The following IGDCC4 variants were observed in gnomAD, a reference collection of about 807,000 sequenced individuals.
IGDCC4 encodes the protein immunoglobulin superfamily DCC subclass member 4.
IGDCC4 carries 72 observed loss-of-function variants against 116.6 expected under a neutral mutation model. The observed-to-expected ratio is 0.62, with a 90% CI of 0.51 to 0.75. IGDCC4 has a LOEUF of 0.75. IGDCC4 is among the 30% of genes least tolerant of loss of function. IGDCC4 has a pLI of 0.00. For synonymous variants in IGDCC4, 709 were observed against 719.9 expected, an observed-to-expected ratio of 0.98 and a Z score of 0.24; for missense variants, 1,501 against 1,662.4, an observed-to-expected ratio of 0.90 and a Z score of 1.69.
Position 65,393,097 on chromosome 15 carries a change from A to G in IGDCC4, c.1885+264T>C, listed in dbSNP as rs2062882761. Among the ~76,000 whole-genome samples, 1 of 152,174 alleles carries G rather than the reference A, an allele frequency of 6.6e-6. No individual in the cohort carries two copies. The highest frequency in any genetic ancestry group is 2.1e-4 in the South Asian group (1 of 4,832). On this transcript the variant is annotated intron_variant, in intron 10 of 19. Transcript: ENST00000352385. This position sits in a 1 kb window ranked among gnomAD's most constrained non-coding sequence, Gnocchi z 4.6. ...TTTATGTACTAAGCACTTTAGTTACAATACATTATTCAACCTCATGCCATT... is the reference window on the plus strand; with the variant it reads ...TTTATGTACTAAGCACTTTAGTTACGATACATTATTCAACCTCATGCCATT...
At chr15:65,410,681 C>G (rs528726032) in intron 2 of IGDCC4, 19 of 462,048 alleles carry the variant, frequency 4.1e-5, no homozygotes, top group African/African-American at 3.5e-4. Flanking sequence ...ACCTGCCGTG[C>G]AGGCAGGAGC....
At chr15:65,401,025 C>T in intron 4 of IGDCC4, 79 bp from the exon 5 acceptor site, 1 of 1,570,688 alleles carries the variant, frequency 6.4e-7, no homozygotes, top group Admixed American at 1.7e-5. Flanking sequence ...CTCACAGTAA[C>T]CTGGTGAGGT....
rs141421172 is a variant in IGDCC4 at position 65,395,894 on chromosome 15, C to G, written c.1267G>C (p.Val423Leu). Reference sequence around the variant, plus strand: ...GCGCTGGGCAGCCCCTCGCGCACCACCACGGCCAGCGACGCGGCAGCGCAC... The same window carrying G: ...GCGCTGGGCAGCCCCTCGCGCACCAGCACGGCCAGCGACGCGGCAGCGCAC... Reference protein sequence around the residue: ...MACAAASLAVVVREGLPSAPT... With the variant: ...MACAAASLAVLVREGLPSAPT... The change falls in exon 7 of 20, where the codon GTG becomes CTG. Residue 423 changes from valine to leucine, a missense_variant. Val to Leu is a conservative substitution (Grantham distance 32, BLOSUM62 1). Coordinates refer to ENST00000352385, the MANE Select transcript of IGDCC4 (RefSeq NM_020962.3). 467 of 1,589,966 alleles carry G rather than the reference C, an allele frequency of 2.9e-4. No individual in the cohort carries two copies. The African/African-American group carries it at 5.1e-3, about 17-fold the overall frequency.
intron 8 of IGDCC4, among the ~76,000 whole-genome samples, chr15:65,394,807 T>A (rs1464365007): frequency 6.6e-6 from 1 of 152,144 alleles, no homozygotes; most frequent in East Asian, 1.9e-4. Context: ...CTACCCCAGC[T>A]GGATGGCACA....
chr15:65,387,487 T>C (rs1422975496), intron 16 of IGDCC4, among the ~76,000 whole-genome samples: 1 of 152,156 alleles, frequency 6.6e-6, no homozygotes, highest in Non-Finnish European at 1.5e-5. Context: ...TAGTTGGGAC[T>C]ACAGGCATCC....
chr15:65,382,400 A>T lies in IGDCC4; in HGVS notation c.*1609T>A, dbSNP rs79447611. ...CCGCAACTGTGCTGAGAGACATTCC[A>T]CCATTTAAAAAAAAAAAAAAAAAAA... On this transcript the variant is annotated 3_prime_UTR_variant, in exon 20 of 20. Coordinates refer to ENST00000352385, the MANE Select transcript of IGDCC4 (RefSeq NM_020962.3). 1.4e-5 allele frequency: 2 copies of T among 139,808 alleles called. No individual in the cohort carries two copies. Among genetic ancestry groups the T allele is most frequent in the Non-Finnish European group, 3.1e-5 (2 of 64,512 alleles). 8.7% of individuals were successfully genotyped at this position (139,808 alleles called of 1,614,324 possible).
Position 65,390,220 on chromosome 15 carries a change from G to T in IGDCC4, c.2343C>A (p.Val781=). ...KKPDFTTVKI[V]NYTVRFSPWG... is the part of the protein sequence containing the mutation. ...AGGGGCTGAAGCGCACAGTGTAGTTGACAATCTTGACTGTGGTGAAATCTG... is the reference window on the plus strand; with the variant it reads ...AGGGGCTGAAGCGCACAGTGTAGTTTACAATCTTGACTGTGGTGAAATCTG... Residue 781 remains valine (V), a synonymous_variant, in exon 13 of 20, where the codon GTC becomes GTA. Transcript: ENST00000352385. 2 of 1,613,316 alleles carry T rather than the reference G, an allele frequency of 1.2e-6. No homozygotes were observed. Among genetic ancestry groups the T allele is most frequent in the South Asian group, 2.2e-5 (2 of 90,964 alleles).
chr15:65,410,834 T>G lies in IGDCC4; in HGVS notation c.421+186A>C. Reference sequence around the variant, plus strand: ...GGGAGTGGAGAAGAAGCGGGAAGATTATGGAATACCCAAGAATGAGGATAG... The same window carrying G: ...GGGAGTGGAGAAGAAGCGGGAAGATGATGGAATACCCAAGAATGAGGATAG... On this transcript the variant is annotated intron_variant, in intron 2 of 19. Coordinates refer to ENST00000352385, the MANE Select transcript of IGDCC4 (RefSeq NM_020962.3). 3 of 592,628 alleles carry G rather than the reference T, an allele frequency of 5.1e-6. No homozygotes were observed. The East Asian group carries it at 8.5e-5, about 17-fold the overall frequency. 36.7% of individuals were successfully genotyped at this position (592,628 alleles called of 1,614,324 possible). A position where few individuals can be genotyped will look rare whatever the true frequency, so the allele number is the denominator to read the frequency against.
intron 3 of IGDCC4, among the ~76,000 whole-genome samples, chr15:65,407,296 A>G (rs2140227399): frequency 6.6e-6 from 1 of 152,198 alleles, no homozygotes; most frequent in African/African-American, 2.4e-5. Context: ...TTTGAAAAAA[A>G]AAAAAGATGA....
Position 65,384,066 on chromosome 15 carries a change from G to C in IGDCC4, c.3696C>G (p.Pro1232=). 1 of 1,613,204 alleles carries C rather than the reference G, an allele frequency of 6.2e-7. No individual in the cohort carries two copies. Among genetic ancestry groups the C allele is most frequent in the South Asian group, 1.1e-5 (1 of 90,962 alleles). The part of the protein sequence containing the change: ...TPGDSCQLKS[P]CPLGASPGLP... ...GGCCTGGGCTGGCTCCTAGAGGGCAGGGGGATTTGAGCTGGCAGCTATCTC... is the reference window on the plus strand; with the variant it reads ...GGCCTGGGCTGGCTCCTAGAGGGCACGGGGATTTGAGCTGGCAGCTATCTC... The change falls in exon 20 of 20, where the codon CCC becomes CCG. Residue 1232 remains proline, a synonymous_variant. Coordinates refer to ENST00000352385, the MANE Select transcript of IGDCC4 (RefSeq NM_020962.3). The surrounding 1 kb of genome is among the most constrained non-coding windows in gnomAD (Gnocchi z 4.9).
intron 3 of IGDCC4, among the ~76,000 whole-genome samples, chr15:65,403,195 T>C (rs891792749): frequency 2.0e-5 from 3 of 152,226 alleles, no homozygotes; most frequent in African/African-American, 7.2e-5. Flanking sequence ...TTTGTTTGGG[T>C]ACATTCGCAC....
At chr15:65,394,660 C>T (rs1421457866) in intron 8 of IGDCC4, 112 bp from the exon 9 acceptor site, 2 of 1,095,980 alleles carry the variant, frequency 1.8e-6, no homozygotes, top group South Asian at 1.6e-5. Flanking sequence ...TAGGCCAGGA[C>T]CAGGATCTGA....
rs2062976748 is a variant in IGDCC4 at position 65,400,780 on chromosome 15, C to T, written c.841+26G>A. ...TGCCACATCCCTCCCTTCCCATGCC[C>T]TCCTTCTCCCACCCCCTCCACTCAC... On this transcript the variant is annotated intron_variant, in intron 5 of 19. Coordinates refer to ENST00000352385, the MANE Select transcript of IGDCC4 (RefSeq NM_020962.3). The T allele has an allele frequency of 8.9e-6, 14 of 1,570,394 alleles. 1 individual carries two copies. In the East Asian group the frequency reaches 3.2e-4, roughly 36 times the overall value.
Position 65,384,971 on chromosome 15 carries a change from C to G in IGDCC4, c.3325G>C (p.Val1109Leu). The change falls in exon 19 of 20, where the codon GTG (valine) becomes CTG (leucine). Residue 1109 changes from valine (V) to leucine (L), a missense_variant. Physicochemically the swap from Val to Leu is conservative, Grantham distance 32. This residue lies in a region of IGDCC4 where 368 missense variants were observed against 355.6 expected (regional missense o/e 1.03). Transcript: ENST00000352385. The surrounding 1 kb of genome is among the most constrained non-coding windows in gnomAD (Gnocchi z 4.9). ...ACGCTGACCTTTATGGCGTCGTACA[C>G]CAGAGCCTGCAGCAACAGCGTCTGC... ...TGQTLLLQAL[V>L]YDAIKGNGRK... The G allele has an allele frequency of 1.2e-6, 2 of 1,611,172 alleles. No individual in the cohort carries two copies. Among genetic ancestry groups the G allele is most frequent in the Non-Finnish European group, 8.5e-7 (1 of 1,178,936 alleles).
Position 65,383,998 on chromosome 15 carries a change from T to G in IGDCC4, c.*11A>C. Reference sequence around the variant, plus strand: ...TACCTGCCTGCCCCAAACCACATCCTCTGGGAAGAGCTAGGCAGAGGAGGA... The same window carrying G: ...TACCTGCCTGCCCCAAACCACATCCGCTGGGAAGAGCTAGGCAGAGGAGGA... On this transcript the variant is annotated 3_prime_UTR_variant, in exon 20 of 20. Transcript: ENST00000352385. The G allele has an allele frequency of 6.4e-7, 1 of 1,565,620 alleles. No homozygotes were observed. Among genetic ancestry groups the G allele is most frequent in the Non-Finnish European group, 8.7e-7 (1 of 1,151,030 alleles).
At chr15:65,385,241 T>C (rs1401747550) in intron 18 of IGDCC4, 126 bp from the exon 19 acceptor site, 2 of 1,009,882 alleles carry the variant, frequency 2.0e-6, no homozygotes, top group Non-Finnish European at 2.8e-6. Context: ...CGCTGCTCTC[T>C]CCCTCTCCAA....
At chr15:65,410,387 C>G (rs889415471) in intron 2 of IGDCC4, 68 bp from the exon 3 acceptor site, 1 of 1,573,768 alleles carries the variant, frequency 6.4e-7, no homozygotes, top group Admixed American at 1.7e-5. Flanking sequence ...CAAGCACAAA[C>G]AGTGAAACAC....
Position 65,402,425 on chromosome 15 carries a change from G to A in IGDCC4, c.626C>T (p.Pro209Leu), listed in dbSNP as rs745809349. 12 of 1,567,548 alleles carry A rather than the reference G, an allele frequency of 7.7e-6. No individual in the cohort carries two copies. Among genetic ancestry groups the A allele is most frequent in the Non-Finnish European group, 8.7e-6 (10 of 1,155,492 alleles). Residue 209 changes from proline (P) to leucine (L), a missense_variant, in exon 4 of 20, where the codon CCC becomes CTC. This residue lies in a region of IGDCC4 where 898 missense variants were observed against 978.9 expected (regional missense o/e 0.92). Coordinates refer to ENST00000352385, the MANE Select transcript of IGDCC4 (RefSeq NM_020962.3). ...TGAGTTGGTGGCCACGCAGCGGTAG[G>A]GGCCTGCATCACTCTCCTGAACATC... ...ILDVQESDAGPYRCVATNSAR... is the reference protein window; with the variant it reads ...ILDVQESDAGLYRCVATNSAR...
intron 18 of IGDCC4, chr15:65,385,375 G>A (rs970871321): frequency 1.1e-5 from 6 of 552,812 alleles, no homozygotes. Context: ...CAGGCGGGGA[G>A]AGGGTGAGGG....
Sources: allele counts gnomAD v4.1 joint callset (sites outside exome capture counted in the v4.1 genomes callset), GRCh38; gene constraint gnomAD v4.1.1; regional missense constraint gnomAD v4.1.1; non-coding constraint Gnocchi (gnomAD v3.1); transcripts MANE v1.5; gene names NCBI Gene and HGNC (gene_info 2026-07-23, HGNC 2026-07-21).